Variants in KCNC1 observed in about 807,000 individuals in gnomAD.
KCNC1 encodes potassium voltage-gated channel subfamily C member 1.
Under a neutral mutation model 43.4 loss-of-function variants are expected in KCNC1, and 8 were observed. That is an observed-to-expected ratio of 0.18 (90% CI 0.11 to 0.33). KCNC1 has a LOEUF of 0.33. KCNC1 is among the 10% of genes least tolerant of loss of function. The pLI is 1.00. For synonymous variants in KCNC1, 361 were observed against 360.5 expected, an observed-to-expected ratio of 1.00 and a Z score of -0.01; for missense variants, 420 against 836.0, an observed-to-expected ratio of 0.50 and a Z score of 6.14.
chr11:17,740,745 C>T (rs1167676101), intron 1 of KCNC1, among the ~76,000 whole-genome samples: 7 of 152,150 alleles, frequency 4.6e-5, no homozygotes, highest in Non-Finnish European at 1.0e-4. Flanking sequence ...GAAGCCCCAC[C>T]TCCATCCACC....
At chr11:17,767,296 AAAAAG>A (rs1191538615) in intron 1 of KCNC1, among the ~76,000 whole-genome samples, 928 of 130,212 alleles carry the variant, frequency 7.1e-3, no homozygotes, top group African/African-American at 0.017. Context: ...AAAAAAAAAA[AAAAAG>A]AAAAGAAAAG....
At position 17,777,136 on chromosome 11, in the gene KCNC1, GC is replaced by G; in HGVS notation, c.1505-2315del. 1 of 984,576 alleles carries G rather than the reference GC, an allele frequency of 1.0e-6. No homozygotes were observed. Among genetic ancestry groups the G allele is most frequent in the Non-Finnish European group, 1.2e-6 (1 of 829,614 alleles). 61.0% of individuals were successfully genotyped at this position (984,576 alleles called of 1,614,324 possible). ...CCTTTAGTGATTGTGAGAGCTGGGA[GC>G]CCCCAGGGCCTGGGGGCTTGTGGAC... On this transcript the variant is annotated intron_variant, in intron 2 of 3. Coordinates refer to ENST00000265969, the MANE Select transcript of KCNC1 (RefSeq NM_001112741.2). The surrounding 1 kb of genome is among the most constrained non-coding windows in gnomAD (Gnocchi z 4.3).
intron 1 of KCNC1, among the ~76,000 whole-genome samples, chr11:17,747,522 C>G (rs538897324): frequency 6.6e-6 from 1 of 152,340 alleles, no homozygotes; most frequent in Admixed American, 6.5e-5. Flanking sequence ...TTTAAAGGGG[C>G]TGCTCTGGCA....
intron 2 of KCNC1, chr11:17,772,963 G>A (rs531077873): frequency 2.8e-5 from 32 of 1,141,628 alleles, no homozygotes; most frequent in East Asian, 1.1e-4. Flanking sequence ...CTACTGACCC[G>A]GTGTTGGGAC....
At chr11:17,744,183 C>T (rs946921687) in intron 1 of KCNC1, among the ~76,000 whole-genome samples, 2 of 152,144 alleles carry the variant, frequency 1.3e-5, no homozygotes, top group Non-Finnish European at 2.9e-5. Context: ...ATACAGAGGT[C>T]GTGCTAACTG....
intron 1 of KCNC1, among the ~76,000 whole-genome samples, chr11:17,756,429 T>G (rs567949128): frequency 3.0e-4 from 46 of 152,150 alleles, no homozygotes; most frequent in African/African-American, 9.6e-4. Context: ...TGTAAATATT[T>G]GTTAGAGGGA....
At position 17,735,278 on chromosome 11, in the gene KCNC1, G is replaced by A. The variant is rs1293571605; in HGVS notation, c.-725G>A. 6.6e-6 allele frequency: 1 copy of A among 152,068 alleles called. No individual in the cohort carries two copies. Among genetic ancestry groups the A allele is most frequent in the Non-Finnish European group, 1.5e-5 (1 of 68,034 alleles). The allele number at this position is 152,068 out of a possible 1,614,324, so 9.4% of individuals were successfully genotyped here. On this transcript the variant is annotated 5_prime_UTR_variant, in exon 1 of 4. Coordinates refer to ENST00000265969, the MANE Select transcript of KCNC1 (RefSeq NM_001112741.2). This position sits in a 1 kb window ranked among gnomAD's most constrained non-coding sequence, Gnocchi z 6.7. ...ATCTCCTCCAGGAGGCGGGGAGAAG[G>A]AACGAGGAGGGCGGGCGGGCAGGCG...
At chr11:17,772,816 A>G (rs1413170410) in intron 2 of KCNC1, 6 of 1,431,494 alleles carry the variant, frequency 4.2e-6, no homozygotes, top group Middle Eastern at 2.6e-4. Context: ...GCCCCTGGGT[A>G]AGGAGGTTGA....
intron 1 of KCNC1, among the ~76,000 whole-genome samples, chr11:17,751,905 G>A (rs1848973669): frequency 6.6e-6 from 1 of 152,164 alleles, no homozygotes; most frequent in Non-Finnish European, 1.5e-5. Context: ...CCCAGCCTTG[G>A]TGAGTGAGAA....
rs896890523 is a variant in KCNC1 at position 17,736,924 on chromosome 11, C to T, written c.570+352C>T. Reference sequence around the variant, plus strand: ...GAGCATGTGTGTATGTTCGAGTGTGCATGAGCGCCTGCCCGTGAACATTTG... The same window carrying T: ...GAGCATGTGTGTATGTTCGAGTGTGTATGAGCGCCTGCCCGTGAACATTTG... On this transcript the variant is annotated intron_variant, in intron 1 of 3. Coordinates refer to ENST00000265969, the MANE Select transcript of KCNC1 (RefSeq NM_001112741.2). The surrounding 1 kb of genome is among the most constrained non-coding windows in gnomAD (Gnocchi z 9.3). Among the ~76,000 whole-genome samples the T allele has an allele frequency of 1.3e-5, 2 of 152,152 alleles. No homozygotes were observed. Among genetic ancestry groups the T allele is most frequent in the East Asian group, 3.9e-4 (2 of 5,190 alleles).
At position 17,782,628 on chromosome 11, in the gene KCNC1, G is replaced by C. The variant is rs1169168401; in HGVS notation, c.*894G>C. On this transcript the variant is annotated 3_prime_UTR_variant, in exon 4 of 4. Transcript: ENST00000265969. The stretch of plus-strand genomic sequence containing the variant: ...GAGCAGCCTCCTCCACCTTTACTAA[G>C]GCACAACCTGGCATTGTATGCAATT... 2 of 152,184 alleles carry C rather than the reference G, an allele frequency of 1.3e-5. No homozygotes were observed. The highest frequency in any genetic ancestry group is 4.8e-5 in the African/African-American group (2 of 41,430). The allele number at this position is 152,184 out of a possible 1,614,324, so 9.4% of individuals were successfully genotyped here.
intron 1 of KCNC1, among the ~76,000 whole-genome samples, chr11:17,747,601 G>A (rs1160104203): frequency 6.6e-6 from 1 of 152,206 alleles, no homozygotes; most frequent in Non-Finnish European, 1.5e-5. Flanking sequence ...CCACTCTGAA[G>A]CTGGGCTGCT....
At chr11:17,743,167 C>T (rs1433201167) in intron 1 of KCNC1, among the ~76,000 whole-genome samples, 1 of 152,212 alleles carries the variant, frequency 6.6e-6, no homozygotes, top group Non-Finnish European at 1.5e-5. Flanking sequence ...ACGCCAATGA[C>T]ACAGACAAGG....
chr11:17,766,521 G>C (rs2133800884), intron 1 of KCNC1, among the ~76,000 whole-genome samples: 1 of 152,262 alleles, frequency 6.6e-6, no homozygotes, highest in South Asian at 2.1e-4. Context: ...AGGCTTTTCT[G>C]AGGCTTACCA....
At chr11:17,748,118 T>C (rs906468790) in intron 1 of KCNC1, among the ~76,000 whole-genome samples, 1 of 152,312 alleles carries the variant, frequency 6.6e-6, no homozygotes, top group African/African-American at 2.4e-5. Context: ...TCTTATATTC[T>C]AGCTGGGCAA....
rs950294261 is a variant in KCNC1, at chr11:17,775,644, C to T, written c.1504+3046C>T. On this transcript the variant is annotated intron_variant, in intron 2 of 3. Coordinates refer to ENST00000265969, the MANE Select transcript of KCNC1 (RefSeq NM_001112741.2). ...GCCCACTCTGGACAGCCCACAATGC[C>T]TCCTCCGTCCTGCCATGCCCATTCG... is the stretch of plus-strand genomic sequence containing the variant. 4 of 985,512 alleles carry T rather than the reference C, an allele frequency of 4.1e-6. No homozygotes were observed. The African/African-American group carries it at 5.2e-5, about 13-fold the overall frequency. 61.0% of individuals were successfully genotyped at this position (985,512 alleles called of 1,614,324 possible).
rs1849302053 is a variant in KCNC1 at position 17,777,742 on chromosome 11, A to C, written c.1505-1714A>C. ...GTGAAATGCTTTGCCATCTTGTACG[A>C]AAGACTTTTTTTTTAAGTTCCAAAA... is the stretch of plus-strand genomic sequence containing the variant. On this transcript the variant is annotated intron_variant, in intron 2 of 3. Coordinates refer to ENST00000265969, the MANE Select transcript of KCNC1 (RefSeq NM_001112741.2). The surrounding 1 kb of genome is among the most constrained non-coding windows in gnomAD (Gnocchi z 4.3). 2.0e-6 allele frequency: 2 copies of C among 986,004 alleles called. No individual in the cohort carries two copies. Among genetic ancestry groups the C allele is most frequent in the African/African-American group, 3.5e-5 (2 of 57,244 alleles). The allele number at this position is 986,004 out of a possible 1,614,324, so 61.1% of individuals were successfully genotyped here.
At chr11:17,747,853 C>T (rs1326788521) in intron 1 of KCNC1, among the ~76,000 whole-genome samples, 1 of 152,200 alleles carries the variant, frequency 6.6e-6, no homozygotes, top group African/African-American at 2.4e-5. Flanking sequence ...CTCTGGCACC[C>T]CTGCCCACAA....
At position 17,739,951 on chromosome 11, in the gene KCNC1, C is replaced by G. The variant is rs745737233; in HGVS notation, c.570+3379C>G. 2.0e-5 allele frequency among the ~76,000 whole-genome samples: 3 copies of G among 152,176 alleles called. No homozygotes were observed. The highest frequency in any genetic ancestry group is 2.9e-5 in the Non-Finnish European group (2 of 68,026). ...TCCAGAGCTGCTTCCTGCCCACTGC[C>G]TCAGTCTCTGGGACTCCGGAGTGGC... On this transcript the variant is annotated intron_variant, in intron 1 of 3. Transcript: ENST00000265969. This position sits in a 1 kb window ranked among gnomAD's most constrained non-coding sequence, Gnocchi z 4.2.
Sources: gnomAD v4.1 joint callset for allele counts (sites outside exome capture counted in the v4.1 genomes callset) on GRCh38, gnomAD v4.1.1 for gene constraint, Gnocchi (gnomAD v3.1) non-coding constraint, MANE v1.5 for transcripts, NCBI Gene and HGNC (gene_info 2026-07-23, HGNC 2026-07-21) for gene names.